ANGPT2: variants seen among roughly 807,000 people sequenced by gnomAD.
ANGPT2 encodes the protein angiopoietin-2.
ANGPT2 carries 28 observed loss-of-function variants against 62.9 expected under a neutral mutation model. The observed-to-expected ratio is 0.44, with a 90% confidence interval of 0.33 to 0.61. ANGPT2 has a LOEUF of 0.61. Ranked by LOEUF, ANGPT2 falls within the 20% of genes least tolerant of loss-of-function variation. ANGPT2 has a pLI of 0.03. For missense variants in ANGPT2, 727 were observed against 594.9 expected (o/e 1.22, Z -2.31); for synonymous variants, 284 against 207.8 (o/e 1.37, Z -3.15).
intron 2 of ANGPT2, among the ~76,000 whole-genome samples, chr8:6,530,065 A>C (rs1266647521): frequency 6.6e-6 from 1 of 152,020 alleles, no homozygotes; most frequent in African/African-American, 2.4e-5. Flanking sequence ...TATTATTTTA[A>C]AATATAAGAA....
intron 1 of ANGPT2, among the ~76,000 whole-genome samples, chr8:6,553,418 C>G (rs1270582620): frequency 6.6e-6 from 1 of 152,188 alleles, no homozygotes; most frequent in African/African-American, 2.4e-5. Context: ...TAAAAGTACA[C>G]TAGCACACCG....
intron 1 of ANGPT2, among the ~76,000 whole-genome samples, chr8:6,545,122 A>C (rs1403131534): frequency 6.6e-6 from 1 of 152,084 alleles, no homozygotes; most frequent in Non-Finnish European, 1.5e-5. Flanking sequence ...ATGAAGCTCA[A>C]GAATGGACCG....
chr8:6,505,570 T>C (rs1332843922), intron 8 of ANGPT2, among the ~76,000 whole-genome samples: 1 of 106,402 alleles, frequency 9.4e-6, no homozygotes, highest in African/African-American at 3.6e-5. Context: ...TATGTATATA[T>C]AGAATGTATA....
At chr8:6,538,566 AG>A (rs1820928677) in intron 1 of ANGPT2, among the ~76,000 whole-genome samples, 1 of 152,130 alleles carries the variant, frequency 6.6e-6, no homozygotes, top group African/African-American at 2.4e-5. Context: ...TGGCTGTCCC[AG>A]CTGCCCAGCG....
At position 6,554,885 on chromosome 8, in the gene ANGPT2, A is replaced by G. The variant is rs73507174; in HGVS notation, c.288+7762T>C. On this transcript the variant is annotated intron_variant, in intron 1 of 8. Transcript: ENST00000629816. ...TCTCAGGAGTTTTTTAATAGGTTTC[A>G]CATCTTTTGTCAAGTGGTGCAAGGA... Among the ~76,000 whole-genome samples the G allele has an allele frequency of 5.9e-3, 891 of 152,296 alleles. 9 individuals carry two copies. The highest frequency in any genetic ancestry group is 0.02 in the African/African-American group (833 of 41,560).
intron 5 of ANGPT2, 52 bp from the exon 6 acceptor site, chr8:6,514,830 T>A (rs1173278047): frequency 7.0e-7 from 1 of 1,422,348 alleles, no homozygotes; most frequent in Admixed American, 1.7e-5. Context: ...ACTCCCCCCT[T>A]ACGTAGCAGA....
intron 3 of ANGPT2, among the ~76,000 whole-genome samples, chr8:6,521,746 A>C (rs995056596): frequency 1.3e-5 from 2 of 152,204 alleles, no homozygotes; most frequent in African/African-American, 4.8e-5. Flanking sequence ...CTGCTCTTTC[A>C]AGCTTAGTGC....
Position 6,527,602 on chromosome 8 carries a change from C to T in ANGPT2, c.519G>A (p.Gln173=), listed in dbSNP as rs745494202. The T allele has an allele frequency of 6.2e-7, 1 of 1,613,984 alleles. No homozygotes were observed. The highest frequency in any genetic ancestry group is 8.5e-7 in the Non-Finnish European group (1 of 1,179,946). Residue 173 remains glutamine, a synonymous_variant, in exon 3 of 9, where the codon CAG becomes CAA. Coordinates refer to ENST00000629816, the MANE Select transcript of ANGPT2 (RefSeq NM_001118887.2). ...HSLSTNKLEK[Q]ILDQTSEINK... is the part of the protein sequence containing the mutation. ...TTATTTCACTGGTCTGGTCCAAAAT[C>T]TGTTTTTCCAATTTGTTTGTCGAGA...
intron 1 of ANGPT2, among the ~76,000 whole-genome samples, chr8:6,558,986 T>C (rs1228462194): frequency 6.6e-6 from 1 of 152,154 alleles, no homozygotes; most frequent in Non-Finnish European, 1.5e-5. Context: ...AAACTGTCTC[T>C]TCTACATTCC....
intron 8 of ANGPT2, 168 bp downstream of exon 8, chr8:6,508,764 T>C: frequency 1.1e-6 from 1 of 938,928 alleles, no homozygotes. Flanking sequence ...ACTTAAAACT[T>C]AGTCTAAAAA....
intron 7 of ANGPT2, among the ~76,000 whole-genome samples, chr8:6,511,433 T>G (rs1815072856): frequency 6.6e-6 from 1 of 152,210 alleles, no homozygotes; most frequent in East Asian, 1.9e-4. Flanking sequence ...ATTTTTAAGA[T>G]TTAATGTACG....
intron 5 of ANGPT2, among the ~76,000 whole-genome samples, chr8:6,517,080 A>G (rs1392215581): frequency 6.6e-6 from 1 of 152,250 alleles, no homozygotes; most frequent in Non-Finnish European, 1.5e-5. Context: ...GCAGAGAAAG[A>G]TAGTGTTCAA....
intron 1 of ANGPT2, among the ~76,000 whole-genome samples, chr8:6,552,293 G>A (rs977466953): frequency 6.6e-6 from 1 of 152,196 alleles, no homozygotes; most frequent in Non-Finnish European, 1.5e-5. Flanking sequence ...TACATATGAC[G>A]ATGGAATGTG....
At chr8:6,561,118 C>T (rs1261353644) in intron 1 of ANGPT2, among the ~76,000 whole-genome samples, 2 of 152,186 alleles carry the variant, frequency 1.3e-5, no homozygotes, top group Non-Finnish European at 2.9e-5. Flanking sequence ...ATATTTCAAC[C>T]TGTGTTGCTG....
Position 6,527,587 on chromosome 8 carries a change from G to A in ANGPT2, c.534C>T (p.Thr178=). 6.2e-7 allele frequency: 1 copy of A among 1,613,936 alleles called. No homozygotes were observed. Among genetic ancestry groups the A allele is most frequent in the Non-Finnish European group, 8.5e-7 (1 of 1,179,952 alleles). ...TATCTTGCAATTTGTTTATTTCACT[G>A]GTCTGGTCCAAAATCTGTTTTTCCA... ...NKLEKQILDQ[T]SEINKLQDKN... The change falls in exon 3 of 9, where the codon ACC becomes ACT. Residue 178 remains threonine, a synonymous_variant. Transcript: ENST00000629816.
chr8:6,505,093 G>A (rs141622039), intron 8 of ANGPT2, among the ~76,000 whole-genome samples: 4 of 107,786 alleles, frequency 3.7e-5, no homozygotes, highest in Admixed American at 1.0e-4. Context: ...CGACCCAAGC[G>A]TCAGGTAGGG....
At chr8:6,562,431 C>A (rs901643904) in intron 1 of ANGPT2, among the ~76,000 whole-genome samples, 8 of 152,130 alleles carry the variant, frequency 5.3e-5, no homozygotes, top group Admixed American at 3.3e-4. Flanking sequence ...GGCATTCTTT[C>A]CAAATAATTA....
rs553817548 is a variant in ANGPT2 at position 6,505,445 on chromosome 8, A to G, written c.1328-2184T>C. ...CATAAAGAATATATATATTCTTTAT[A>G]TACATATAGAATATATATATTCTTT... On this transcript the variant is annotated intron_variant, in intron 8 of 8. Transcript: ENST00000629816. Among the ~76,000 whole-genome samples the G allele has an allele frequency of 3.4e-3, 281 of 83,694 alleles. 32 individuals carry two copies. The South Asian group carries it at 0.055, about 16-fold the overall frequency. The allele number at this position is 83,694 out of a possible 152,430, so 54.9% of individuals were successfully genotyped here. A position where few individuals can be genotyped will look rare whatever the true frequency, so the allele number is the denominator to read the frequency against.
At chr8:6,510,366 G>C (rs952025682) in intron 7 of ANGPT2, among the ~76,000 whole-genome samples, 1 of 152,166 alleles carries the variant, frequency 6.6e-6, no homozygotes, top group African/African-American at 2.4e-5. Flanking sequence ...ATGGTGGCAG[G>C]AGAAGTGTAC....
Sources: gnomAD v4.1 joint callset for allele counts (sites outside exome capture counted in the v4.1 genomes callset) on GRCh38, gnomAD v4.1.1 for gene constraint, MANE v1.5 for transcripts, NCBI Gene and HGNC (gene_info 2026-07-23, HGNC 2026-07-21) for gene names.